NRG1: variants seen among roughly 807,000 people sequenced by gnomAD.
NRG1 encodes the protein neuregulin 1, also known as pro-neuregulin-1, membrane-bound isoform.
In NRG1, 18 loss-of-function variants were observed where a neutral mutation model predicts 63.8. That is an observed-to-expected ratio of 0.28 (90% CI 0.19 to 0.42). The LOEUF (loss-of-function observed/expected upper bound fraction) is 0.42, where lower values mean the gene tolerates loss of function less well. Ranked by LOEUF, NRG1 falls within the 10% of genes least tolerant of loss-of-function variation. NRG1 has a pLI of 1.00. For missense variants in NRG1, 762 were observed against 814.7 expected, an observed-to-expected ratio of 0.94 and a Z score of 0.79; for synonymous variants, 302 against 301.3, an observed-to-expected ratio of 1.00 and a Z score of -0.02.
rs559446672 is a variant in NRG1, at chr8:32,348,025, C to T, written c.38-247803C>T. ...TATATTACTCTTTCTTCTCATCACT[C>T]TTTAACCAAATTGTTGAGTGTCCAA... On this transcript the variant is annotated intron_variant, in intron 1 of 10. Coordinates refer to the NRG1 transcript ENST00000519301. Among the ~76,000 whole-genome samples, 308 of 152,294 alleles carry T rather than the reference C, an allele frequency of 2.0e-3. 4 individuals carry two copies. In the South Asian group the frequency reaches 0.024, roughly 12 times the overall value.
At chr8:32,751,619 G>T (rs968076869) in intron 7 of NRG1, among the ~76,000 whole-genome samples, 22 of 152,222 alleles carry the variant, frequency 1.4e-4, no homozygotes, top group African/African-American at 4.6e-4. Context: ...GATAAGGGTT[G>T]TAGTGCATCT....
At chr8:31,723,695 A>G (rs913108233) in intron 1 of NRG1, among the ~76,000 whole-genome samples, 7 of 152,136 alleles carry the variant, frequency 4.6e-5, no homozygotes, top group African/African-American at 1.4e-4. Context: ...GTACCCTATC[A>G]TCATTATCTC....
At chr8:32,538,837 G>T (rs1475882347) in intron 1 of NRG1, among the ~76,000 whole-genome samples, 1 of 152,194 alleles carries the variant, frequency 6.6e-6, no homozygotes, top group Non-Finnish European at 1.5e-5. Flanking sequence ...CATCATTACT[G>T]CATGGCAGAG....
chr8:31,848,055 T>C (rs942096581), intron 1 of NRG1, among the ~76,000 whole-genome samples: 1 of 152,210 alleles, frequency 6.6e-6, no homozygotes, highest in African/African-American at 2.4e-5. Context: ...CAGACAATTT[T>C]AAACTTTAGA....
Position 31,850,536 on chromosome 8 carries a change from C to A in NRG1, c.37+211105C>A, listed in dbSNP as rs16878359. ...GGCTACACAAATGGATGTCTCTGTT[C>A]AGCCTTATTTATCCACAGTTTTTCC... On this transcript the variant is annotated intron_variant, in intron 1 of 10. Coordinates refer to the NRG1 transcript ENST00000519301. Among the ~76,000 whole-genome samples the A allele has an allele frequency of 6.6e-5, 10 of 152,242 alleles. No homozygotes were observed. In the South Asian group the frequency reaches 2.1e-3, roughly 32 times the overall value.
rs115770222 is a variant in NRG1 at position 32,236,692 on chromosome 8, C to T, written c.38-359136C>T. 4.7e-3 allele frequency among the ~76,000 whole-genome samples: 715 copies of T among 152,224 alleles called. 3 individuals carry two copies. Among genetic ancestry groups the T allele is most frequent in the South Asian group, 0.024 (114 of 4,818 alleles). ...CAGCTCCTCTTCATGGGGAATAAGACCAAACATAGAACACTTTTCTCTTAA... is the reference window on the plus strand; with the variant it reads ...CAGCTCCTCTTCATGGGGAATAAGATCAAACATAGAACACTTTTCTCTTAA... On this transcript the variant is annotated intron_variant, in intron 1 of 10. Transcript: ENST00000519301.
At chr8:31,812,107 AT>A (rs984227962) in intron 1 of NRG1, among the ~76,000 whole-genome samples, 1 of 152,166 alleles carries the variant, frequency 6.6e-6, no homozygotes, top group Non-Finnish European at 1.5e-5. Context: ...ATTATAGGAT[AT>A]TTTTGAACCT....
At chr8:32,219,204 T>C (rs74435171) in intron 1 of NRG1, among the ~76,000 whole-genome samples, 3,601 of 152,320 alleles carry the variant, frequency 0.024, 157 homozygotes, top group African/African-American at 0.083. Context: ...GTTGGCAACA[T>C]GATTCTGACC....
rs1384697031 is a variant in NRG1 at position 31,668,694 on chromosome 8, TG to T, written c.37+29264del. Among the ~76,000 whole-genome samples, 33 of 152,352 alleles carry T rather than the reference TG, an allele frequency of 2.2e-4. 1 individual carries two copies. The highest frequency in any genetic ancestry group is 9.1e-4 in the Admixed American group (14 of 15,306). ...CTAAAGTCCTTTTTATCTTTAGTCT[TG>T]TATTCTACCTGAGTAGTAGGTATTG... On this transcript the variant is annotated intron_variant, in intron 1 of 10. Transcript: ENST00000519301.
intron 1 of NRG1, among the ~76,000 whole-genome samples, chr8:31,910,148 C>T (rs553602031): frequency 9.9e-5 from 15 of 152,284 alleles, no homozygotes; most frequent in Admixed American, 3.3e-4. Context: ...ATTTAAGCTG[C>T]GAGCTAAAGG....
At chr8:32,358,348 A>G (rs1221986849) in intron 1 of NRG1, among the ~76,000 whole-genome samples, 1 of 146,270 alleles carries the variant, frequency 6.8e-6, no homozygotes, top group Non-Finnish European at 1.5e-5. Flanking sequence ...AATAAGATCA[A>G]CCGATAGAAT....
intron 1 of NRG1, among the ~76,000 whole-genome samples, chr8:31,701,550 G>A (rs188209775): frequency 6.6e-6 from 1 of 152,084 alleles, no homozygotes; most frequent in East Asian, 1.9e-4. Flanking sequence ...AGCAGAACCC[G>A]AGGTAATGTG....
Position 31,885,898 on chromosome 8 carries a change from C to T in NRG1, c.37+246467C>T, listed in dbSNP as rs114960822. On this transcript the variant is annotated intron_variant, in intron 1 of 10. Transcript: ENST00000519301. Reference sequence around the variant, plus strand: ...GGGTTATTAATATTACGGAGAAAGTCACACTGCTGGGTAATCTGGTTGAAA... The same window carrying T: ...GGGTTATTAATATTACGGAGAAAGTTACACTGCTGGGTAATCTGGTTGAAA... 4.2e-3 allele frequency among the ~76,000 whole-genome samples: 634 copies of T among 152,148 alleles called. 8 individuals carry two copies. Among genetic ancestry groups the T allele is most frequent in the African/African-American group, 0.015 (604 of 41,536 alleles).
At chr8:32,367,237 T>C (rs1193129318) in intron 1 of NRG1, among the ~76,000 whole-genome samples, 1 of 152,358 alleles carries the variant, frequency 6.6e-6, no homozygotes, top group South Asian at 2.1e-4. Context: ...GTGGTTGTAC[T>C]AATTTACATT....
chr8:31,887,565 G>C (rs770297807), intron 1 of NRG1, among the ~76,000 whole-genome samples: 1 of 152,056 alleles, frequency 6.6e-6, no homozygotes, highest in African/African-American at 2.4e-5. Flanking sequence ...GTAAGTAGGA[G>C]ATAAAAGTTT....
chr8:32,344,758 T>A (rs1804665606), intron 1 of NRG1, among the ~76,000 whole-genome samples: 1 of 151,834 alleles, frequency 6.6e-6, no homozygotes, highest in African/African-American at 2.4e-5. Context: ...AAGAACCACA[T>A]CCCAGTGCTG....
At chr8:31,784,094 C>T (rs892083188) in intron 1 of NRG1, among the ~76,000 whole-genome samples, 1 of 152,116 alleles carries the variant, frequency 6.6e-6, no homozygotes, top group Non-Finnish European at 1.5e-5. Context: ...GATTCCGGGG[C>T]TCATCCTGCT....
chr8:32,517,569 G>A (rs1829951306), intron 1 of NRG1, among the ~76,000 whole-genome samples: 1 of 152,108 alleles, frequency 6.6e-6, no homozygotes, highest in Non-Finnish European at 1.5e-5. Context: ...GCCTTAATAA[G>A]TATTACATGT....
At chr8:32,122,552 C>T (rs568913380) in intron 1 of NRG1, among the ~76,000 whole-genome samples, 1 of 151,924 alleles carries the variant, frequency 6.6e-6, no homozygotes, top group African/African-American at 2.4e-5. Context: ...CTGAATTTTC[C>T]AAGGGTGTGT....
Sources: allele counts gnomAD v4.1 joint callset (sites outside exome capture counted in the v4.1 genomes callset), GRCh38; gene constraint gnomAD v4.1.1; transcripts MANE v1.5; gene names NCBI Gene and HGNC (gene_info 2026-07-23, HGNC 2026-07-21).